The following MAPK8IP2 variants were observed in gnomAD, a reference collection of about 807,000 sequenced individuals.
MAPK8IP2 encodes the protein C-Jun-amino-terminal kinase-interacting protein 2.
In MAPK8IP2, 15 loss-of-function variants were observed where a neutral mutation model predicts 75.6. The ratio of observed to expected loss-of-function variants is 0.20; its 90% confidence interval spans 0.13 to 0.31. The LOEUF is 0.31. Among genes scored for constraint, MAPK8IP2 ranks in the 10% least tolerant of loss-of-function variants. MAPK8IP2 has a pLI of 1.00. For missense variants in MAPK8IP2, 1,089 were observed against 1,211.2 expected (o/e 0.90, Z 1.50); for synonymous variants, 632 against 554.5 (o/e 1.14, Z -1.96).
rs559694012 is a variant in MAPK8IP2 at position 50,605,742 on chromosome 22, C to G, written c.2014+8C>G. ...CTGCCAAGGACCTGCTGGGTGAGGTCCCAACCCCGAGGGGAGGCTTTTCAC... is the reference window on the plus strand; with the variant it reads ...CTGCCAAGGACCTGCTGGGTGAGGTGCCAACCCCGAGGGGAGGCTTTTCAC... On this transcript the variant is annotated splice_region_variant and intron_variant, in intron 7 of 11. Coordinates refer to ENST00000329492, the MANE Select transcript of MAPK8IP2 (RefSeq NM_012324.6). 5 of 1,606,124 alleles carry G rather than the reference C, an allele frequency of 3.1e-6. No homozygotes were observed. Among genetic ancestry groups the G allele is most frequent in the South Asian group, 2.2e-5 (2 of 90,242 alleles).
rs1170223242 is a variant in MAPK8IP2, at chr22:50,610,084, C to A, written c.2304-128C>A. Reference sequence around the variant, plus strand: ...AACTTCAGATCTTGAAATTGTGCGACCCCCACACTCCTGTCCCTTACCCTC... The same window carrying A: ...AACTTCAGATCTTGAAATTGTGCGAACCCCACACTCCTGTCCCTTACCCTC... On this transcript the variant is annotated intron_variant, in intron 10 of 11. Transcript: ENST00000329492. This position sits in a 1 kb window ranked among gnomAD's most constrained non-coding sequence, Gnocchi z 4.3. 6.7e-6 allele frequency: 5 copies of A among 741,904 alleles called. No individual in the cohort carries two copies. The highest frequency in any genetic ancestry group is 1.2e-5 in the Non-Finnish European group (5 of 418,684). The allele number at this position is 741,904 out of a possible 1,614,324, so 46.0% of individuals were successfully genotyped here. A position where few individuals can be genotyped will look rare whatever the true frequency, so the allele number is the denominator to read the frequency against.
intron 10 of MAPK8IP2, among the ~76,000 whole-genome samples, chr22:50,608,266 A>G (rs1225111235): frequency 1.3e-5 from 2 of 151,710 alleles, no homozygotes; most frequent in Non-Finnish European, 2.9e-5. Flanking sequence ...GAGAGGTGGG[A>G]CAGCGGGCAG....
In MAPK8IP2 at chr22:50,610,758, G is replaced by A. The variant is rs775037258; in HGVS notation, c.2454G>A (p.Thr818=). Residue 818 remains threonine (T), a synonymous_variant, in exon 12 of 12, where the codon ACG becomes ACA. Transcript: ENST00000329492. This position sits in a 1 kb window ranked among gnomAD's most constrained non-coding sequence, Gnocchi z 4.3. ...YQEHLAYACP[T]EDIYLE ...AGCACCTGGCGTACGCCTGCCCCACGGAGGACATCTACCTGGAGTAGCCTG... is the reference window on the plus strand; with the variant it reads ...AGCACCTGGCGTACGCCTGCCCCACAGAGGACATCTACCTGGAGTAGCCTG... The A allele has an allele frequency of 8.7e-6, 14 of 1,610,692 alleles. No homozygotes were observed. The highest frequency in any genetic ancestry group is 6.7e-5 in the African/African-American group (5 of 74,806).
Position 50,604,088 on chromosome 22 carries a change from C to T in MAPK8IP2, c.789C>T (p.Arg263=). 1 of 1,547,628 alleles carries T rather than the reference C, an allele frequency of 6.5e-7. No individual in the cohort carries two copies. The highest frequency in any genetic ancestry group is 8.7e-7 in the Non-Finnish European group (1 of 1,155,366). The change falls in exon 5 of 12, where the codon CGC becomes CGT. Residue 263 remains arginine (R), a synonymous_variant. Coordinates refer to ENST00000329492, the MANE Select transcript of MAPK8IP2 (RefSeq NM_012324.6). ...GSDSEDAGGA[R]LGRMISSISE... ...ACTCGGAGGACGCGGGCGGCGCGCG[C>T]CTGGGGCGCATGATCTCGTCCATCT... is the stretch of plus-strand genomic sequence containing the variant.
At chr22:50,603,820 C>T (rs540530485) in intron 4 of MAPK8IP2, 21 bp from the exon 5 acceptor site, 1 of 1,523,300 alleles carries the variant, frequency 6.6e-7, no homozygotes, top group South Asian at 1.2e-5. Flanking sequence ...GAGAGGGTGA[C>T]CCCACCTCCC....
chr22:50,605,851 G>A lies in MAPK8IP2; in HGVS notation c.2041G>A (p.Glu681Lys). 1.9e-6 allele frequency: 3 copies of A among 1,586,954 alleles called. No individual in the cohort carries two copies. The highest frequency in any genetic ancestry group is 2.6e-6 in the Non-Finnish European group (3 of 1,167,946). ...LGSKRSPCWV[E>K]RFDVQFLGSV... ...GAGTAAGCGGAGCCCCTGCTGGGTG[G>A]AGCGCTTTGACGTGCAGTTCCTGGG... Residue 681 changes from glutamate to lysine, a missense_variant, in exon 8 of 12, where the codon GAG becomes AAG. This residue lies in a region of MAPK8IP2 where 960 missense variants were observed against 1,009.6 expected (regional missense o/e 0.95). Transcript: ENST00000329492.
Position 50,604,964 on chromosome 22 carries a change from C to T in MAPK8IP2, c.1665C>T (p.Gly555=), listed in dbSNP as rs776501300. ...AGGAGGCGGGCGCGGCGCTGCTAGG[C>T]GGCGGTCAGGTCTCGGGGGACACCT... ...SEEEAGAALL[G]GGQVSGDTSP... The change falls in exon 5 of 12, where the codon GGC becomes GGT. Residue 555 remains glycine, a synonymous_variant. Transcript: ENST00000329492. 12 of 1,612,084 alleles carry T rather than the reference C, an allele frequency of 7.4e-6. No individual in the cohort carries two copies. Among genetic ancestry groups the T allele is most frequent in the Middle Eastern group, 1.7e-4 (1 of 6,048 alleles).
Position 50,610,809 on chromosome 22 carries a change from T to TA in MAPK8IP2, c.*30_*31insA. On this transcript the variant is annotated 3_prime_UTR_variant, in exon 12 of 12. Coordinates refer to ENST00000329492, the MANE Select transcript of MAPK8IP2 (RefSeq NM_012324.6). This position sits in a 1 kb window ranked among gnomAD's most constrained non-coding sequence, Gnocchi z 4.3. ...CCCACCGCTCTGTCTCCTGGCCGTC[T>TA]GCTCCAGGCGCAGCTGGGGCTGAGG... 6.4e-7 allele frequency: 1 copy of TA among 1,564,482 alleles called. No individual in the cohort carries two copies. Among genetic ancestry groups the TA allele is most frequent in the Non-Finnish European group, 8.7e-7 (1 of 1,151,956 alleles).
At position 50,605,828 on chromosome 22, in the gene MAPK8IP2, G is replaced by C; in HGVS notation, c.2018G>C (p.Ser673Thr). 1 of 1,588,742 alleles carries C rather than the reference G, an allele frequency of 6.3e-7. No individual in the cohort carries two copies. Among genetic ancestry groups the C allele is most frequent in the Non-Finnish European group, 8.6e-7 (1 of 1,168,674 alleles). ...CCCTCTGTGCCCCGCTCCCCAGGGA[G>C]TAAGCGGAGCCCCTGCTGGGTGGAG... ...VPGPAKDLLG[S>T]KRSPCWVERF... Residue 673 changes from serine to threonine, a missense_variant, in exon 8 of 12, where the codon AGT becomes ACT. Transcript: ENST00000329492.
chr22:50,601,003 C>T (rs2070927153), intron 1 of MAPK8IP2, 120 bp downstream of exon 1: 1 of 212,930 alleles, frequency 4.7e-6, no homozygotes, highest in Admixed American at 6.3e-5. Context: ...CGGACCCGGC[C>T]CCGGCCCCCT....
rs1269520967 is a variant in MAPK8IP2 at position 50,613,210 on chromosome 22, C to T, written c.*2431C>T. 6.6e-6 allele frequency: 1 copy of T among 152,388 alleles called. No individual in the cohort carries two copies. The highest frequency in any genetic ancestry group is 1.5e-5 in the Non-Finnish European group (1 of 68,194). The allele number at this position is 152,388 out of a possible 1,614,324, so 9.4% of individuals were successfully genotyped here. On this transcript the variant is annotated 3_prime_UTR_variant, in exon 12 of 12. Coordinates refer to ENST00000329492, the MANE Select transcript of MAPK8IP2 (RefSeq NM_012324.6). The stretch of plus-strand genomic sequence containing the variant: ...GACCTCCAGGGGCACTTCCTCGGCT[C>T]ATCACTGGGCCGGTGCTCTGCAGAA...
chr22:50,602,001 C>T (rs12168113), intron 2 of MAPK8IP2, 107 bp downstream of exon 2: 37,123 of 848,848 alleles, frequency 0.044, 1,467 homozygotes, highest in African/African-American at 0.16. Flanking sequence ...AGCCTTGAAC[C>T]GGGGACTCCT....
chr22:50,610,164 AG>A lies in MAPK8IP2; in HGVS notation c.2304-46del. The A allele has an allele frequency of 6.9e-7, 1 of 1,455,728 alleles. No homozygotes were observed. The highest frequency in any genetic ancestry group is 9.5e-7 in the Non-Finnish European group (1 of 1,055,250). 90.2% of individuals were successfully genotyped at this position (1,455,728 alleles called of 1,614,324 possible). On this transcript the variant is annotated intron_variant, in intron 10 of 11. Coordinates refer to ENST00000329492, the MANE Select transcript of MAPK8IP2 (RefSeq NM_012324.6). The surrounding 1 kb of genome is among the most constrained non-coding windows in gnomAD (Gnocchi z 4.3). ...CTCTACATCATTTGTGGGGTGGCCA[AG>A]GCTGGGCCAGGGCTCTGACGTGCCC...
Position 50,604,403 on chromosome 22 carries a change from C to G in MAPK8IP2, c.1104C>G (p.Cys368Trp). The part of the protein sequence containing the change: ...MISEGSSPIR[C>W]PGQCLSPAPR... ...CCGAGGGCTCCTCGCCCATCCGCTGCCCCGGCCAGTGCCTGTCTCCTGCGC... is the reference window on the plus strand; with the variant it reads ...CCGAGGGCTCCTCGCCCATCCGCTGGCCCGGCCAGTGCCTGTCTCCTGCGC... Residue 368 changes from cysteine to tryptophan, a missense_variant, in exon 5 of 12, where the codon TGC (cysteine) becomes TGG (tryptophan). This residue lies in a region of MAPK8IP2 where 960 missense variants were observed against 1,009.6 expected (regional missense o/e 0.95). Coordinates refer to ENST00000329492, the MANE Select transcript of MAPK8IP2 (RefSeq NM_012324.6). The G allele has an allele frequency of 6.6e-7, 1 of 1,517,894 alleles. No homozygotes were observed. The highest frequency in any genetic ancestry group is 8.8e-7 in the Non-Finnish European group (1 of 1,138,788). The allele number at this position is 1,517,894 out of a possible 1,614,324, so 94.0% of individuals were successfully genotyped here. A position where few individuals can be genotyped will look rare whatever the true frequency, so the allele number is the denominator to read the frequency against.
chr22:50,606,668 C>G lies in MAPK8IP2; in HGVS notation c.2135C>G (p.Ala712Gly). Residue 712 changes from alanine (A) to glycine (G), a missense_variant, in exon 9 of 12, where the codon GCC becomes GGC. This residue lies in a region of MAPK8IP2 where 129 missense variants were observed against 201.7 expected (regional missense o/e 0.64). Transcript: ENST00000329492. The part of the protein sequence containing the change: ...LCAAMQKIAT[A>G]RKLTVHLRPP... ...CAACTTCTTCTGTAGATTGCCACTG[C>G]CCGGAAACTGACCGTCCACCTGCGC... is the stretch of plus-strand genomic sequence containing the variant. The G allele has an allele frequency of 6.3e-7, 1 of 1,594,472 alleles. No individual in the cohort carries two copies. The highest frequency in any genetic ancestry group is 8.5e-7 in the Non-Finnish European group (1 of 1,170,712).
In MAPK8IP2 at chr22:50,604,247, C is replaced by T. The variant is rs1351465336; in HGVS notation, c.948C>T (p.Arg316=). ...EPEPPREPPR[R]PAFLPVGPDD... The stretch of plus-strand genomic sequence containing the variant: ...AGCCCCCGCGCGAACCCCCGCGCCG[C>T]CCCGCCTTCCTGCCCGTGGGCCCCG... Residue 316 remains arginine (R), a synonymous_variant, in exon 5 of 12, where the codon CGC becomes CGT. Coordinates refer to ENST00000329492, the MANE Select transcript of MAPK8IP2 (RefSeq NM_012324.6). 9 of 1,565,554 alleles carry T rather than the reference C, an allele frequency of 5.7e-6. No individual in the cohort carries two copies. Among genetic ancestry groups the T allele is most frequent in the Non-Finnish European group, 6.9e-6 (8 of 1,164,006 alleles).
intron 8 of MAPK8IP2, 91 bp downstream of exon 8, chr22:50,606,025 G>T: frequency 9.6e-7 from 1 of 1,044,160 alleles, no homozygotes; most frequent in Non-Finnish European, 1.4e-6. Context: ...AGGCTCCAAG[G>T]TCTGAGGTCT....
rs759058735 is a variant in MAPK8IP2, at chr22:50,606,779, G to T, written c.2232+14G>T. On this transcript the variant is annotated intron_variant, in intron 9 of 11. Transcript: ENST00000329492. ...GGAGGGCCCGAGGTGGGAGTGTGGG[G>T]GACTGGGGACCGGGGACTGGGGGAT... The T allele has an allele frequency of 6.4e-7, 1 of 1,573,984 alleles. No individual in the cohort carries two copies. The highest frequency in any genetic ancestry group is 8.6e-7 in the Non-Finnish European group (1 of 1,159,192).
Position 50,600,855 on chromosome 22 carries a change from T to C in MAPK8IP2, c.37T>C (p.Phe13Leu). 7.7e-7 allele frequency: 1 copy of C among 1,300,702 alleles called. No individual in the cohort carries two copies. 80.6% of individuals were successfully genotyped at this position (1,300,702 alleles called of 1,614,324 possible). The change falls in exon 1 of 12, where the codon TTC (phenylalanine) becomes CTC (leucine). Residue 13 changes from phenylalanine (F) to leucine (L), a missense_variant. Phe to Leu is a conservative substitution (Grantham distance 22, BLOSUM62 0). Around this residue, in one of 2 missense-constraint regions of MAPK8IP2, gnomAD observed 960 missense variants for 1,009.6 expected, o/e 0.95. Transcript: ENST00000329492. ...CGCGGAGATGTTTTCTCTCTCCACC[T>C]TCCACTCGCTGTCGCCGCCGGGCTG... ...DRAEMFSLST[F>L]HSLSPPGCRP...
Sources: gnomAD v4.1 joint callset for allele counts (sites outside exome capture counted in the v4.1 genomes callset) on GRCh38, gnomAD v4.1.1 for gene constraint, gnomAD v4.1.1 regional missense constraint, Gnocchi (gnomAD v3.1) non-coding constraint, MANE v1.5 for transcripts, NCBI Gene and HGNC (gene_info 2026-07-23, HGNC 2026-07-21) for gene names.